PDIA4: variants seen among roughly 807,000 people sequenced by gnomAD.
PDIA4 encodes the protein protein disulfide isomerase family A member 4.
PDIA4 carries 33 observed loss-of-function variants against 62.1 expected under a neutral mutation model. That is an observed-to-expected ratio of 0.53 (90% CI 0.40 to 0.71). PDIA4 has a LOEUF of 0.71. Among genes scored for constraint, PDIA4 ranks in the 30% least tolerant of loss-of-function variants. PDIA4 has a pLI of 0.00. For synonymous variants in PDIA4, 341 were observed against 324.1 expected (o/e 1.05, Z -0.56); for missense variants, 804 against 813.6 (o/e 0.99, Z 0.14).
At chr7:149,005,080 T>C (rs1200127712) in intron 9 of PDIA4, 61 bp downstream of exon 9, 15 of 1,376,886 alleles carry the variant, frequency 1.1e-5, no homozygotes, top group Non-Finnish European at 1.6e-5. Flanking sequence ...CTGGCCTGTC[T>C]GGATTCCGCA....
At chr7:149,027,468 CAGA>C (rs1447358584) in intron 1 of PDIA4, among the ~76,000 whole-genome samples, 3 of 152,180 alleles carry the variant, frequency 2.0e-5, no homozygotes, top group African/African-American at 7.2e-5. Flanking sequence ...AGAACAAACT[CAGA>C]AGGTTAAAAA....
At chr7:149,008,103 A>G (rs1823822530) in intron 7 of PDIA4, 56 bp downstream of exon 7, 1 of 1,540,056 alleles carries the variant, frequency 6.5e-7, no homozygotes, top group African/African-American at 1.4e-5. Flanking sequence ...GGCTCAAAGC[A>G]GAGTCCTCAT....
intron 9 of PDIA4, among the ~76,000 whole-genome samples, 172 bp from the exon 10 acceptor site, chr7:149,004,381 T>G (rs1823668655): frequency 6.6e-6 from 1 of 152,194 alleles, no homozygotes; most frequent in Non-Finnish European, 1.5e-5. Context: ...TCTCTGTCCT[T>G]GCAAAGGCCA....
rs750630736 is a variant in PDIA4, at chr7:149,003,926, G to A, written c.1806C>T (p.Thr602=). 5 of 1,613,690 alleles carry A rather than the reference G, an allele frequency of 3.1e-6. No individual in the cohort carries two copies. The highest frequency in any genetic ancestry group is 4.2e-6 in the Non-Finnish European group (5 of 1,179,852). ...SDRYKVEGFP[T]IYFAPSGDKK... ...TGTCCCCACTGGGGGCGAAGTAGAT[G>A]GTGGGGAAGCCCTCCACCTTATAGC... Residue 602 remains threonine, a synonymous_variant, in exon 10 of 10, where the codon ACC becomes ACT. Transcript: ENST00000652332.
At chr7:149,021,765 C>G (rs1181651535) in intron 1 of PDIA4, among the ~76,000 whole-genome samples, 1 of 152,160 alleles carries the variant, frequency 6.6e-6, no homozygotes, top group Non-Finnish European at 1.5e-5. Context: ...TCGCGGCCCC[C>G]TGCCTTGCTC....
chr7:149,012,807 G>C (rs1469705112), intron 4 of PDIA4, among the ~76,000 whole-genome samples: 1 of 152,140 alleles, frequency 6.6e-6, no homozygotes, highest in Non-Finnish European at 1.5e-5. Flanking sequence ...ACGGGAGGTG[G>C]GGCGAAGAGA....
intron 1 of PDIA4, 60 bp downstream of exon 1, chr7:149,028,261 C>T (rs1824630403): frequency 7.7e-7 from 1 of 1,307,170 alleles, no homozygotes; most frequent in African/African-American, 1.5e-5. Flanking sequence ...GGCCCAGGCC[C>T]CCGCACAGCT....
Position 149,012,266 on chromosome 7 carries a change from C to T in PDIA4, c.709G>A (p.Ala237Thr), listed in dbSNP as rs372023035. 8.7e-5 allele frequency: 141 copies of T among 1,613,980 alleles called. No homozygotes were observed. The highest frequency in any genetic ancestry group is 3.3e-4 in the Middle Eastern group (2 of 6,082). ...SPPIPLAKVD[A>T]TAETDLAKRF... Reference sequence around the variant, plus strand: ...TTGGCCAGGTCTGTTTCTGCGGTGGCGTCGACCTTTGCCAGGGGAATTGGA... The same window carrying T: ...TTGGCCAGGTCTGTTTCTGCGGTGGTGTCGACCTTTGCCAGGGGAATTGGA... Residue 237 changes from alanine to threonine, a missense_variant, in exon 5 of 10, where the codon GCC becomes ACC. Physicochemically the swap from Ala to Thr is moderately conservative, Grantham distance 58 (BLOSUM62 0). Coordinates refer to ENST00000652332, the MANE Select transcript of PDIA4 (RefSeq NM_004911.5).
intron 6 of PDIA4, 25 bp downstream of exon 6, chr7:149,011,821 T>C (rs1254422145): frequency 6.6e-7 from 1 of 1,516,188 alleles, no homozygotes; most frequent in Non-Finnish European, 8.8e-7. Flanking sequence ...GCACATTTTG[T>C]TCAGCCCAGA....
chr7:149,018,014 G>A (rs1321282257), intron 3 of PDIA4, among the ~76,000 whole-genome samples: 1 of 152,166 alleles, frequency 6.6e-6, no homozygotes, highest in African/African-American at 2.4e-5. Flanking sequence ...CGGATCACGA[G>A]GTCAGGAGAT....
rs148721661 is a variant in PDIA4, at chr7:149,018,314, C to T, written c.475+678G>A. ...AAATGTGCTGAATCAGAAACTCTGG[C>T]GCTGGGGCCCAGCAAGCTGAACAAG... On this transcript the variant is annotated intron_variant, in intron 3 of 9. Coordinates refer to ENST00000652332, the MANE Select transcript of PDIA4 (RefSeq NM_004911.5). Among the ~76,000 whole-genome samples the T allele has an allele frequency of 2.8e-3, 421 of 152,282 alleles. 2 individuals are homozygous for T. The highest frequency in any genetic ancestry group is 9.6e-3 in the African/African-American group (398 of 41,564).
At chr7:149,023,586 T>C (rs753415887) in intron 1 of PDIA4, among the ~76,000 whole-genome samples, 1 of 151,982 alleles carries the variant, frequency 6.6e-6, no homozygotes, top group Non-Finnish European at 1.5e-5. Flanking sequence ...CTCTGCCCAG[T>C]AGGAGTCAAA....
rs1823617324 is a variant in PDIA4, at chr7:149,003,548, A to AT, written c.*245dup. On this transcript the variant is annotated 3_prime_UTR_variant, in exon 10 of 10. Coordinates refer to ENST00000652332, the MANE Select transcript of PDIA4 (RefSeq NM_004911.5). ...AAGAAATTAGAAGGTGTAAAAAAAA[A>AT]TTTTTCAAACCCCAAATAATGATAA... 1 of 366,974 alleles carries AT rather than the reference A, an allele frequency of 2.7e-6. No homozygotes were observed. The highest frequency in any genetic ancestry group is 4.6e-5 in the Admixed American group (1 of 21,786). The allele number at this position is 366,974 out of a possible 1,614,324, so 22.7% of individuals were successfully genotyped here. A position where few individuals can be genotyped will look rare whatever the true frequency, so the allele number is the denominator to read the frequency against.
chr7:149,006,293 C>CCTG, intron 7 of PDIA4: 1 of 457,800 alleles, frequency 2.2e-6, no homozygotes, highest in South Asian at 2.9e-5. Context: ...CACCTTGGCC[C>CCTG]TTTCCTTGGG....
chr7:149,015,780 C>A (rs886746873), intron 3 of PDIA4, among the ~76,000 whole-genome samples: 3 of 152,254 alleles, frequency 2.0e-5, no homozygotes, highest in Non-Finnish European at 4.4e-5. Context: ...CAAACTGAAA[C>A]GTGCACAAGC....
chr7:149,009,530 G>C (rs1347965172), intron 6 of PDIA4, among the ~76,000 whole-genome samples: 1 of 152,130 alleles, frequency 6.6e-6, no homozygotes, highest in East Asian at 1.9e-4. Flanking sequence ...CTGTTTGTGG[G>C]CTGGAGCTCC....
At chr7:149,020,765 G>A (rs1199362080) in intron 2 of PDIA4, among the ~76,000 whole-genome samples, 1 of 152,148 alleles carries the variant, frequency 6.6e-6, no homozygotes, top group Non-Finnish European at 1.5e-5. Flanking sequence ...AGAAGACATC[G>A]CCTTCCATGA....
chr7:149,017,162 T>C (rs1307446164), intron 3 of PDIA4, among the ~76,000 whole-genome samples: 2 of 151,242 alleles, frequency 1.3e-5, no homozygotes, highest in African/African-American at 4.9e-5. Context: ...TATTCAACGC[T>C]CTTTCCTCTA....
intron 2 of PDIA4, among the ~76,000 whole-genome samples, chr7:149,019,724 T>C (rs574159263): frequency 2.6e-5 from 4 of 152,210 alleles, no homozygotes; most frequent in South Asian, 4.1e-4. Context: ...GGCACAAGAA[T>C]TGCTTGAACC....
Sources: allele counts gnomAD v4.1 joint callset (sites outside exome capture counted in the v4.1 genomes callset), GRCh38; gene constraint gnomAD v4.1.1; transcripts MANE v1.5; gene names NCBI Gene and HGNC (gene_info 2026-07-23, HGNC 2026-07-21).